The following TAP2 variants were observed in gnomAD, a reference collection of about 807,000 sequenced individuals.
The protein encoded by TAP2 is transporter 2, ATP binding cassette subfamily B member.
TAP2 carries 49 observed loss-of-function variants against 74.7 expected under a neutral mutation model. The ratio of observed to expected loss-of-function variants is 0.66; its 90% confidence interval spans 0.52 to 0.83. The LOEUF (loss-of-function observed/expected upper bound fraction) is 0.83. Ranked by LOEUF, TAP2 falls within the 40% of genes least tolerant of loss-of-function variation. TAP2 has a pLI of 0.00. For missense variants in TAP2, 739 were observed against 859.0 expected (o/e 0.86, Z 1.75); for synonymous variants, 306 against 368.4 (o/e 0.83, Z 1.94).
rs145030658 is a variant in TAP2 at position 32,832,679 on chromosome 6, T to C, written c.1091A>G (p.Gln364Arg). The change falls in exon 6 of 12, where the codon CAG becomes CGG. Residue 364 changes from glutamine (Q) to arginine (R), a missense_variant. Transcript: ENST00000374897. The surrounding 1 kb of genome is among the most constrained non-coding windows in gnomAD (Gnocchi z 5.9). ...RYKEALEQCR[Q>R]LYWRRDLERA... ...TTCCAGGTCTCTCCGCCAATACAGC[T>C]GCCGACATTGTTCAAGGGCCTCTTT... 22 of 1,612,956 alleles carry C rather than the reference T, an allele frequency of 1.4e-5. No homozygotes were observed. The highest frequency in any genetic ancestry group is 1.8e-5 in the Non-Finnish European group (21 of 1,180,042).
At chr6:32,837,499 T>C (rs766983894) in intron 3 of TAP2, 38 bp downstream of exon 3, 3 of 1,571,222 alleles carry the variant, frequency 1.9e-6, no homozygotes. Flanking sequence ...CTATAAAGAT[T>C]TGGGGCTAGC....
chr6:32,832,805 T>C lies in TAP2; in HGVS notation c.965A>G (p.Gln322Arg), dbSNP rs770542409. 8 of 1,612,702 alleles carry C rather than the reference T, an allele frequency of 5.0e-6. No homozygotes were observed. The South Asian group carries it at 8.8e-5, about 18-fold the overall frequency. Residue 322 changes from glutamine to arginine, a missense_variant, in exon 6 of 12, where the codon CAG becomes CGG. Physicochemically the swap from Gln to Arg is conservative, Grantham distance 43. Transcript: ENST00000374897. This position sits in a 1 kb window ranked among gnomAD's most constrained non-coding sequence, Gnocchi z 5.9. Reference protein sequence around the residue: ...TRHQEVLREIQDAVARAGQVV... With the variant: ...TRHQEVLREIRDAVARAGQVV... The stretch of plus-strand genomic sequence containing the variant: ...CTGCCCCGCCCTGGCCACTGCATCC[T>C]GGATCTCCCGAAGCACTTCCTGGAA...
At chr6:32,830,113 A>G in intron 9 of TAP2, 24 bp from the exon 10 acceptor site, 1 of 1,612,950 alleles carries the variant, frequency 6.2e-7, no homozygotes, top group Non-Finnish European at 8.5e-7. Flanking sequence ...ACAGGGGCAG[A>G]GGACTATGTG....
In TAP2 at chr6:32,832,982, A is replaced by C. The variant is rs1769189998; in HGVS notation, c.946-158T>G. On this transcript the variant is annotated intron_variant, in intron 5 of 11. Coordinates refer to ENST00000374897, the MANE Select transcript of TAP2 (RefSeq NM_001290043.2). The surrounding 1 kb of genome is among the most constrained non-coding windows in gnomAD (Gnocchi z 5.9). ...TTCTTTCCAGAAGGAATAAGAGTGA[A>C]GGAGCAAGGGAACAAAATATTATTG... 6.6e-6 allele frequency among the ~76,000 whole-genome samples: 1 copy of C among 152,232 alleles called. No individual in the cohort carries two copies. The highest frequency in any genetic ancestry group is 2.4e-5 in the African/African-American group (1 of 41,470).
At chr6:32,823,030 C>T (rs1239097289), downstream of TAP2, among the ~76,000 whole-genome samples, 1 of 150,746 alleles carries the variant, frequency 6.6e-6, no homozygotes, top group Non-Finnish European at 1.5e-5. Context: ...AGCAATTCTC[C>T]TGCCTCGGCC....
rs1769528989 is a variant in TAP2 at position 32,837,908 on chromosome 6, G to A, written c.326C>T (p.Ala109Val). ...AGCCCACAGTGACCAGCTGAGCCCC[G>A]CAGCCCCGTACCCCACCAGCAGCCA... ...WSWLLVGYGA[A>V]GLSWSLWAVL... The change falls in exon 2 of 12, where the codon GCG becomes GTG. Residue 109 changes from alanine to valine, a missense_variant. Ala to Val is a moderately conservative substitution (Grantham distance 64). Transcript: ENST00000374897. 6.2e-7 allele frequency: 1 copy of A among 1,612,772 alleles called. No homozygotes were observed. Among genetic ancestry groups the A allele is most frequent in the Admixed American group, 1.7e-5 (1 of 59,970 alleles).
intron 10 of TAP2, 76 bp downstream of exon 10, chr6:32,829,854 C>T (rs2127353615): frequency 1.3e-6 from 2 of 1,586,684 alleles, no homozygotes; most frequent in South Asian, 1.1e-5. Flanking sequence ...TACAGGGACA[C>T]GACCTTCACC....
Position 32,838,158 on chromosome 6 carries a change from G to A in TAP2, c.76C>T (p.Pro26Ser), listed in dbSNP as rs762904431. Reference protein sequence around the residue: ...DAALLWLLQGPLGTLLPQGLP... With the variant: ...DAALLWLLQGSLGTLLPQGLP... ...CCTTGAGGAAGCAAAGTCCCCAGAG[G>A]GCCCTGAAGCAGCCACAGTAAAGCC... The change falls in exon 2 of 12, where the codon CCT becomes TCT. Residue 26 changes from proline to serine, a missense_variant. Physicochemically the swap from Pro to Ser is moderately conservative, Grantham distance 74. Transcript: ENST00000374897. 1.9e-6 allele frequency: 3 copies of A among 1,602,444 alleles called. No homozygotes were observed. The highest frequency in any genetic ancestry group is 2.6e-6 in the Non-Finnish European group (3 of 1,173,748).
downstream of TAP2, chr6:32,822,058 T>G: frequency 1.8e-6 from 1 of 541,834 alleles, no homozygotes. Context: ...GAGAATCCAT[T>G]TGGAAACTGA....
At chr6:32,823,068 C>T (rs1288507600), downstream of TAP2, among the ~76,000 whole-genome samples, 1 of 151,824 alleles carries the variant, frequency 6.6e-6, no homozygotes, top group Non-Finnish European at 1.5e-5. Context: ...TACAGGCGCC[C>T]ACCACCACAC....
rs752068310 is a variant in TAP2, at chr6:32,829,423, G to T, written c.1909C>A (p.Leu637Ile). ...ACGGCCTGCTCGCACTGCACATCTA[G>T]GGCACTAGTAGCCTCATCCAGGATG... ...VLILDEATSA[L>I]DVQCEQALQD... The change falls in exon 11 of 12, where the codon CTA (leucine) becomes ATA (isoleucine). Residue 637 changes from leucine (L) to isoleucine (I), a missense_variant. Physicochemically the swap from Leu to Ile is conservative, Grantham distance 5. Transcript: ENST00000374897. The T allele has an allele frequency of 3.1e-6, 5 of 1,607,518 alleles. No homozygotes were observed. The African/African-American group carries it at 6.7e-5, about 21-fold the overall frequency.
intron 9 of TAP2, 47 bp downstream of exon 9, chr6:32,830,220 G>C: frequency 6.2e-7 from 1 of 1,612,814 alleles, no homozygotes; most frequent in Non-Finnish European, 8.5e-7. Flanking sequence ...TCCTCTCTCT[G>C]TACATGCTCC....
chr6:32,836,897 G>A (rs895851789), intron 3 of TAP2, among the ~76,000 whole-genome samples: 3 of 152,316 alleles, frequency 2.0e-5, no homozygotes, highest in Admixed American at 2.0e-4. Context: ...GAGACAATCA[G>A]GCCGGCTGGG....
At position 32,832,963 on chromosome 6, in the gene TAP2, C is replaced by T. The variant is rs1352860200; in HGVS notation, c.946-139G>A. Reference sequence around the variant, plus strand: ...CTCTCCCTCTTCCTTACTCTTCTTTCCAGAAGGAATAAGAGTGAAGGAGCA... The same window carrying T: ...CTCTCCCTCTTCCTTACTCTTCTTTTCAGAAGGAATAAGAGTGAAGGAGCA... On this transcript the variant is annotated intron_variant, in intron 5 of 11. Coordinates refer to ENST00000374897, the MANE Select transcript of TAP2 (RefSeq NM_001290043.2). This position sits in a 1 kb window ranked among gnomAD's most constrained non-coding sequence, Gnocchi z 5.9. 1 of 991,266 alleles carries T rather than the reference C, an allele frequency of 1.0e-6. No individual in the cohort carries two copies. The highest frequency in any genetic ancestry group is 1.5e-6 in the Non-Finnish European group (1 of 653,476). 61.4% of individuals were successfully genotyped at this position (991,266 alleles called of 1,614,324 possible).
chr6:32,838,107 T>A lies in TAP2; in HGVS notation c.127A>T (p.Thr43Ser). ...CCCCACAGCCCTCCCAGCCGCAGGG[T>A]CCCCTCCAGCCATAGTCCTGGCAGC... ...QGLPGLWLEG[T>S]LRLGGLWGLL... Residue 43 changes from threonine (T) to serine (S), a missense_variant, in exon 2 of 12, where the codon ACC becomes TCC. Transcript: ENST00000374897. 3 of 1,610,528 alleles carry A rather than the reference T, an allele frequency of 1.9e-6. No individual in the cohort carries two copies. The highest frequency in any genetic ancestry group is 2.5e-6 in the Non-Finnish European group (3 of 1,179,190).
chr6:32,827,612 G>A lies in TAP2; in HGVS notation c.*1294C>T, dbSNP rs1463358820. 8.8e-6 allele frequency: 5 copies of A among 565,864 alleles called. No homozygotes were observed. The highest frequency in any genetic ancestry group is 1.1e-5 in the Non-Finnish European group (5 of 448,034). 35.1% of individuals were successfully genotyped at this position (565,864 alleles called of 1,614,324 possible). ...AGTCTTGAACTTGAAAATCAGGGGC[G>A]AGTCGAGCAGAAAATGGGCAAGAAA... On this transcript the variant is annotated 3_prime_UTR_variant, in exon 12 of 12. Coordinates refer to ENST00000374897, the MANE Select transcript of TAP2 (RefSeq NM_001290043.2).
chr6:32,833,045 T>C (rs1042010913), intron 5 of TAP2, among the ~76,000 whole-genome samples: 3 of 152,212 alleles, frequency 2.0e-5, no homozygotes, highest in East Asian at 1.9e-4. Flanking sequence ...ATACATGCAA[T>C]TTTTTTAACC....
In TAP2 at chr6:32,837,798, T is replaced by A. The variant is rs753746862; in HGVS notation, c.436A>T (p.Arg146Trp). The change falls in exon 2 of 12, where the codon AGG becomes TGG. Residue 146 changes from arginine to tryptophan, a missense_variant. Physicochemically the swap from Arg to Trp is moderately radical, Grantham distance 101. Transcript: ENST00000374897. ...VLMWRLLKLS[R>W]PDLPLLVAAF... Reference sequence around the variant, plus strand: ...GCAACGAGGAGAGGCAGGTCCGGCCTGGAGAGCTTCAGCAGCCTCCACATC... The same window carrying A: ...GCAACGAGGAGAGGCAGGTCCGGCCAGGAGAGCTTCAGCAGCCTCCACATC... 6.2e-7 allele frequency: 1 copy of A among 1,613,988 alleles called. No homozygotes were observed. The highest frequency in any genetic ancestry group is 1.7e-5 in the Admixed American group (1 of 60,000).
rs372434311 is a variant in TAP2, at chr6:32,835,328, G to A, written c.771C>T (p.Thr257=). 1.6e-5 allele frequency: 26 copies of A among 1,612,930 alleles called. No individual in the cohort carries two copies. In the African/African-American group the frequency reaches 2.3e-4, roughly 14 times the overall value. The change falls in exon 5 of 12, where the codon ACC becomes ACT. Residue 257 remains threonine (T), a synonymous_variant. Transcript: ENST00000374897. This position sits in a 1 kb window ranked among gnomAD's most constrained non-coding sequence, Gnocchi z 4.0. ...GELNSRLSSD[T]TLMSNWLPLN... is the part of the protein sequence containing the mutation. ...AAGGAAGCCAGTTACTCATCAGGGT[G>A]GTATCCGAGCTCAGCCGTGAGTTCA...
Sources: gnomAD v4.1 joint callset for allele counts (sites outside exome capture counted in the v4.1 genomes callset) on GRCh38, gnomAD v4.1.1 for gene constraint, Gnocchi (gnomAD v3.1) non-coding constraint, MANE v1.5 for transcripts, NCBI Gene and HGNC (gene_info 2026-07-23, HGNC 2026-07-21) for gene names.